KATNAL2: variants seen among roughly 807,000 people sequenced by gnomAD.
KATNAL2 encodes katanin catalytic subunit A1 like 2.
In KATNAL2, 52 loss-of-function variants were observed where a neutral mutation model predicts 76.3. That is an observed-to-expected ratio of 0.68 (90% CI 0.55 to 0.86). The LOEUF (loss-of-function observed/expected upper bound fraction) is 0.86. Ranked by LOEUF, KATNAL2 falls within the 40% of genes least tolerant of loss-of-function variation. The probability of loss-of-function intolerance (pLI) is 0.00; values close to 1 mark genes in which losing one functional copy is unlikely to be tolerated. For missense variants in KATNAL2, 660 were observed against 668.9 expected (o/e 0.99, Z 0.15); for synonymous variants, 243 against 244.2 (o/e 1.00, Z 0.05).
intron 1 of KATNAL2, among the ~76,000 whole-genome samples, chr18:46,920,489 C>CT (rs1400622730): frequency 6.6e-6 from 1 of 152,186 alleles, no homozygotes; most frequent in African/African-American, 2.4e-5. Flanking sequence ...CTCACTCTGC[C>CT]TCTGTACTGG....
At position 47,071,454 on chromosome 18, in the gene KATNAL2, G is replaced by A. The variant is rs139640582; in HGVS notation, c.1008+1854G>A. Among the ~76,000 whole-genome samples, 688 of 152,238 alleles carry A rather than the reference G, an allele frequency of 4.5e-3. 2 individuals carry two copies. Among genetic ancestry groups the A allele is most frequent in the Non-Finnish European group, 7.7e-3 (521 of 68,028 alleles). ...AACCAATCTCTTCCATATGCCTAGA[G>A]ACGACTGTAGCTGAAATTCATCTCA... On this transcript the variant is annotated intron_variant, in intron 13 of 17. Coordinates refer to ENST00000683218, the MANE Select transcript of KATNAL2 (RefSeq NM_001387690.1).
At chr18:46,962,296 G>A (rs1189148235) in intron 3 of KATNAL2, among the ~76,000 whole-genome samples, 1 of 128,066 alleles carries the variant, frequency 7.8e-6, no homozygotes, top group Non-Finnish European at 1.6e-5. Flanking sequence ...GATCATGCCC[G>A]GCCTTTTCCC....
chr18:46,948,273 G>A (rs1361613752), intron 3 of KATNAL2, among the ~76,000 whole-genome samples: 1 of 151,756 alleles, frequency 6.6e-6, no homozygotes, highest in Admixed American at 6.6e-5. Context: ...ACCATGCCCA[G>A]CTAACTTTTT....
chr18:47,031,704 C>G (rs1244663136), intron 3 of KATNAL2, among the ~76,000 whole-genome samples: 1 of 152,138 alleles, frequency 6.6e-6, no homozygotes, highest in African/African-American at 2.4e-5. Flanking sequence ...GTCTTTAACT[C>G]CTTACCTTAT....
intron 3 of KATNAL2, among the ~76,000 whole-genome samples, chr18:47,036,464 TTGAC>T (rs2032567927): frequency 6.6e-6 from 1 of 152,360 alleles, no homozygotes; most frequent in Non-Finnish European, 1.5e-5. Flanking sequence ...CTCTCTGTCT[TTGAC>T]TGGAGTGCTG....
At chr18:46,936,246 C>T (rs2059087179) in intron 1 of KATNAL2, among the ~76,000 whole-genome samples, 1 of 152,008 alleles carries the variant, frequency 6.6e-6, no homozygotes, top group African/African-American at 2.4e-5. Flanking sequence ...TATTAATGTT[C>T]ACAAATGCAT....
intron 15 of KATNAL2, chr18:47,098,199 G>T: frequency 2.7e-6 from 1 of 364,122 alleles, no homozygotes; most frequent in Non-Finnish European, 5.4e-6. Context: ...CTCCAGCCTG[G>T]CGACAGAGCA....
chr18:47,032,860 C>A, intron 3 of KATNAL2: 1 of 1,516,270 alleles, frequency 6.6e-7, no homozygotes, highest in Admixed American at 1.9e-5. Context: ...AGGGCCAGCA[C>A]ATGACACCTG....
At chr18:46,961,277 T>C (rs1394159444) in intron 3 of KATNAL2, among the ~76,000 whole-genome samples, 2 of 55,126 alleles carry the variant, frequency 3.6e-5, no homozygotes, top group African/African-American at 1.4e-4. Context: ...CTAGGCAAGG[T>C]GGCAGGGGCG....
intron 3 of KATNAL2, among the ~76,000 whole-genome samples, chr18:46,957,769 T>C: frequency 6.7e-6 from 1 of 148,930 alleles, no homozygotes. Context: ...TCCATGTTGG[T>C]CAGGCTGGTC....
chr18:46,936,618 T>C (rs2059100294), intron 1 of KATNAL2, among the ~76,000 whole-genome samples: 1 of 152,006 alleles, frequency 6.6e-6, no homozygotes, highest in Non-Finnish European at 1.5e-5. Flanking sequence ...CATGAAAATT[T>C]TAAAACTATT....
chr18:47,065,458 A>G (rs1257120570), intron 10 of KATNAL2, among the ~76,000 whole-genome samples: 1 of 151,368 alleles, frequency 6.6e-6, no homozygotes, highest in Non-Finnish European at 1.5e-5. Context: ...CGGGGGGGGA[A>G]CAGGGAGAGG....
intron 15 of KATNAL2, among the ~76,000 whole-genome samples, chr18:47,090,793 A>G (rs1568020656): frequency 6.6e-6 from 1 of 152,178 alleles, no homozygotes; most frequent in Non-Finnish European, 1.5e-5. Context: ...GATTCTGAGA[A>G]TGGCAAGCAG....
chr18:47,066,848 TATATA>T (rs1409081124), intron 10 of KATNAL2, among the ~76,000 whole-genome samples, 168 bp from the exon 11 acceptor site: 174 of 14,896 alleles, frequency 0.012, 13 homozygotes, highest in Non-Finnish European at 0.016. Flanking sequence ...TATATGTGTT[TATATA>T]TATATATATA....
chr18:46,926,778 G>T (rs186686537), intron 1 of KATNAL2, among the ~76,000 whole-genome samples: 8,735 of 152,136 alleles, frequency 0.057, 296 homozygotes, highest in Non-Finnish European at 0.081. Flanking sequence ...CCTGTATTGG[G>T]TGCATATATA....
intron 15 of KATNAL2, among the ~76,000 whole-genome samples, chr18:47,095,888 G>A (rs79642452): frequency 6.6e-6 from 1 of 152,350 alleles, no homozygotes; most frequent in African/African-American, 2.4e-5. Context: ...AAGTTCTGCT[G>A]TGAAGCGTGT....
intron 3 of KATNAL2, among the ~76,000 whole-genome samples, chr18:47,040,172 A>G (rs892346494): frequency 1.3e-5 from 2 of 152,248 alleles, no homozygotes; most frequent in Non-Finnish European, 1.5e-5. Context: ...AGGTCTAGCC[A>G]GTAACAGCTT....
chr18:47,033,098 GC>G (rs769725974), intron 3 of KATNAL2: 4 of 1,614,112 alleles, frequency 2.5e-6, no homozygotes, highest in Non-Finnish European at 3.4e-6. Context: ...TTGGCCGCGG[GC>G]GCCGCGTGCT....
rs565782603 is a variant in KATNAL2 at position 47,032,778 on chromosome 18, G to A, written c.52-13679G>A. On this transcript the variant is annotated intron_variant, in intron 3 of 17. Transcript: ENST00000683218. ...TCCAAAATAGAATTGTTCCCAATGC[G>A]TTCATATCTTCTGAATTCTGAGGTG... is the stretch of plus-strand genomic sequence containing the variant. The A allele has an allele frequency of 3.1e-4, 235 of 746,182 alleles. 1 individual carries two copies. In the African/African-American group the frequency reaches 3.8e-3, roughly 12 times the overall value. 46.2% of individuals were successfully genotyped at this position (746,182 alleles called of 1,614,324 possible). A position where few individuals can be genotyped will look rare whatever the true frequency, so the allele number is the denominator to read the frequency against.
Sources: allele counts gnomAD v4.1 joint callset (sites outside exome capture counted in the v4.1 genomes callset), GRCh38; gene constraint gnomAD v4.1.1; transcripts MANE v1.5; gene names NCBI Gene and HGNC (gene_info 2026-07-23, HGNC 2026-07-21).